Variants in DAG1 observed in about 807,000 individuals in gnomAD.
DAG1 encodes the protein dystroglycan 1.
In DAG1, 8 loss-of-function variants were observed where a neutral mutation model predicts 46.1. That is an observed-to-expected ratio of 0.17 (90% CI 0.10 to 0.31). The LOEUF (loss-of-function observed/expected upper bound fraction) is 0.31. Among genes scored for constraint, DAG1 ranks in the 10% least tolerant of loss-of-function variants. The probability of loss-of-function intolerance (pLI) is 1.00; values close to 1 mark genes in which losing one functional copy is unlikely to be tolerated. For synonymous variants in DAG1, 495 were observed against 481.8 expected (o/e 1.03, Z -0.36); for missense variants, 1,003 against 1,189.9 (o/e 0.84, Z 2.31).
rs1316103310 is a variant in DAG1 at position 49,534,877 on chromosome 3, C to G, written c.*1678C>G. On this transcript the variant is annotated 3_prime_UTR_variant, in exon 3 of 3. Transcript: ENST00000308775. ...GAGGGTGGGTGGGTGGACCCAGGCT[C>G]CCTTTGCACACAGAGCAGCTACTTC... 3.2e-5 allele frequency: 5 copies of G among 153,848 alleles called. No homozygotes were observed. Among genetic ancestry groups the G allele is most frequent in the African/African-American group, 1.2e-4 (5 of 41,460 alleles). 9.5% of individuals were successfully genotyped at this position (153,848 alleles called of 1,614,324 possible).
chr3:49,510,309 G>C (rs991281092), intron 1 of DAG1, 110 bp from the exon 2 acceptor site: 6 of 605,296 alleles, frequency 9.9e-6, no homozygotes, highest in Non-Finnish European at 1.8e-5. Flanking sequence ...GGGGGTAAGA[G>C]GCTTGATCCA....
At chr3:49,499,967 A>G (rs2050402049) in intron 1 of DAG1, among the ~76,000 whole-genome samples, 1 of 148,474 alleles carries the variant, frequency 6.7e-6, no homozygotes, top group South Asian at 2.1e-4. Context: ...TTGACATTTT[A>G]CTTCTTCTTC....
intron 1 of DAG1, among the ~76,000 whole-genome samples, chr3:49,488,320 C>T (rs913154863): frequency 5.3e-5 from 8 of 152,244 alleles, no homozygotes; most frequent in African/African-American, 1.9e-4. Context: ...AGAGAAAAGT[C>T]GTTTGTATCT....
In DAG1 at chr3:49,474,966, C is replaced by T. The variant is rs183675713; in HGVS notation, c.-117+4533C>T. Among the ~76,000 whole-genome samples the T allele has an allele frequency of 3.4e-3, 515 of 151,926 alleles. 7 individuals carry two copies. The highest frequency in any genetic ancestry group is 0.015 in the East Asian group (79 of 5,146). ...AGCTGGGACTACAGGCGCCCGCCAC[C>T]GCGCCCAGCTAATTTTTTTGTATTT... On this transcript the variant is annotated intron_variant, in intron 1 of 2. Coordinates refer to ENST00000308775, the MANE Select transcript of DAG1 (RefSeq NM_004393.6).
intron 2 of DAG1, among the ~76,000 whole-genome samples, chr3:49,515,236 C>T (rs1243090217): frequency 1.3e-5 from 2 of 150,894 alleles, no homozygotes; most frequent in African/African-American, 4.9e-5. Flanking sequence ...TCCCAACGTG[C>T]TGGGATTACA....
chr3:49,476,123 T>G lies in DAG1; in HGVS notation c.-117+5690T>G, dbSNP rs142566248. ...GGTGTCAAAGTTGGTGAAGCTGGTC[T>G]GTGTTCTGTGTTGAAGTGGTTAAAT... On this transcript the variant is annotated intron_variant, in intron 1 of 2. Coordinates refer to ENST00000308775, the MANE Select transcript of DAG1 (RefSeq NM_004393.6). Among the ~76,000 whole-genome samples the G allele has an allele frequency of 2.7e-3, 418 of 152,324 alleles. 3 individuals carry two copies. The highest frequency in any genetic ancestry group is 9.3e-3 in the African/African-American group (388 of 41,570).
chr3:49,498,922 C>A (rs2050379079), intron 1 of DAG1, among the ~76,000 whole-genome samples: 1 of 152,114 alleles, frequency 6.6e-6, no homozygotes, highest in Non-Finnish European at 1.5e-5. Context: ...GTTGCCCAGG[C>A]TGGTCTTGAA....
Position 49,532,248 on chromosome 3 carries a change from C to T in DAG1, c.1737C>T (p.Ala579=). 1 of 1,613,966 alleles carries T rather than the reference C, an allele frequency of 6.2e-7. No homozygotes were observed. The highest frequency in any genetic ancestry group is 8.5e-7 in the Non-Finnish European group (1 of 1,179,826). Residue 579 remains alanine, a synonymous_variant, in exon 3 of 3, where the codon GCC becomes GCT. Transcript: ENST00000308775. The surrounding 1 kb of genome is among the most constrained non-coding windows in gnomAD (Gnocchi z 5.4). ...HVGKHEYFMH[A]TDKGGLSAVD... ...GCAAACACGAGTATTTCATGCATGC[C>T]ACAGACAAGGGGGGCCTGTCGGCTG... is the stretch of plus-strand genomic sequence containing the variant.
At chr3:49,525,220 G>A (rs1159257313) in intron 2 of DAG1, among the ~76,000 whole-genome samples, 3 of 152,184 alleles carry the variant, frequency 2.0e-5, no homozygotes, top group Non-Finnish European at 4.4e-5. Flanking sequence ...CTTCAGGGCT[G>A]TAGATCTAGA....
At chr3:49,493,791 A>G (rs2050246319) in intron 1 of DAG1, among the ~76,000 whole-genome samples, 1 of 152,116 alleles carries the variant, frequency 6.6e-6, no homozygotes, top group Non-Finnish European at 1.5e-5. Flanking sequence ...TTTCTGATGC[A>G]CCTCTATGCA....
At position 49,481,163 on chromosome 3, in the gene DAG1, G is replaced by A. The variant is rs181639178; in HGVS notation, c.-117+10730G>A. Reference sequence around the variant, plus strand: ...CCAGCACTTTGGGAGGCTGAGGCGGGCGGATCACAAGGTCAGGAGATGGAG... The same window carrying A: ...CCAGCACTTTGGGAGGCTGAGGCGGACGGATCACAAGGTCAGGAGATGGAG... On this transcript the variant is annotated intron_variant, in intron 1 of 2. Coordinates refer to ENST00000308775, the MANE Select transcript of DAG1 (RefSeq NM_004393.6). 2.6e-3 allele frequency among the ~76,000 whole-genome samples: 387 copies of A among 148,288 alleles called. 6 individuals carry two copies. Among genetic ancestry groups the A allele is most frequent in the East Asian group, 8.2e-3 (40 of 4,862 alleles).
intron 1 of DAG1, among the ~76,000 whole-genome samples, chr3:49,473,354 GGAGCTTGCAGT>G (rs1196115259): frequency 1.3e-5 from 2 of 151,982 alleles, no homozygotes; most frequent in African/African-American, 4.8e-5. Context: ...CCCGGGAGGC[GGAGCTTGCAGT>G]GAGCTGAGAT....
rs536114734 is a variant in DAG1 at position 49,478,367 on chromosome 3, G to T, written c.-117+7934G>T. 6.9e-5 allele frequency among the ~76,000 whole-genome samples: 10 copies of T among 145,864 alleles called. No homozygotes were observed. In the South Asian group the frequency reaches 2.2e-3, roughly 32 times the overall value. On this transcript the variant is annotated intron_variant, in intron 1 of 2. Transcript: ENST00000308775. The stretch of plus-strand genomic sequence containing the variant: ...CCCAGCATTTTGGGAGGCTAAGGTG[G>T]GAGGATTACTTGAAGCCAGGAGTTT...
At chr3:49,475,063 C>T (rs997590537) in intron 1 of DAG1, among the ~76,000 whole-genome samples, 8 of 151,856 alleles carry the variant, frequency 5.3e-5, no homozygotes, top group African/African-American at 9.7e-5. Context: ...CTGCCTGCCT[C>T]GGCCTCCCGA....
chr3:49,470,665 G>A, intron 1 of DAG1: 1 of 152,298 alleles, frequency 6.6e-6, no homozygotes, highest in Non-Finnish European at 1.5e-5. Context: ...GGCCCGGGCC[G>A]CGCGCCGCGG....
At chr3:49,504,522 A>G (rs1293402608) in intron 1 of DAG1, among the ~76,000 whole-genome samples, 1 of 133,452 alleles carries the variant, frequency 7.5e-6, no homozygotes, top group South Asian at 2.3e-4. Flanking sequence ...TGGATTCCCT[A>G]TTATATTCCA....
rs886044594 is a variant in DAG1, at chr3:49,532,680, A to T, written c.2169A>T (p.Pro723=). Residue 723 remains proline, a synonymous_variant, in exon 3 of 3, where the codon CCA becomes CCT. Transcript: ENST00000308775. The surrounding 1 kb of genome is among the most constrained non-coding windows in gnomAD (Gnocchi z 5.4). ...CRHLQFIPVV[P]PRRVPSEAPP... is the part of the protein sequence containing the mutation. The stretch of plus-strand genomic sequence containing the variant: ...ACCTACAGTTTATCCCTGTGGTACC[A>T]CCCAGGAGAGTGCCCTCAGAGGCGC... 6.2e-7 allele frequency: 1 copy of T among 1,614,154 alleles called. No homozygotes were observed. The highest frequency in any genetic ancestry group is 8.5e-7 in the Non-Finnish European group (1 of 1,180,030).
intron 1 of DAG1, among the ~76,000 whole-genome samples, chr3:49,494,513 G>A (rs1239871743): frequency 6.6e-6 from 1 of 152,074 alleles, no homozygotes; most frequent in Non-Finnish European, 1.5e-5. Context: ...TATTAATTTT[G>A]AGCTATGGCA....
intron 2 of DAG1, among the ~76,000 whole-genome samples, chr3:49,521,856 GT>G (rs1332129354): frequency 8.4e-5 from 12 of 142,702 alleles, no homozygotes; most frequent in Non-Finnish European, 7.7e-5. Context: ...TTAGACCTTT[GT>G]TTTTTTTTTT....
Sources: allele counts gnomAD v4.1 joint callset (sites outside exome capture counted in the v4.1 genomes callset), GRCh38; gene constraint gnomAD v4.1.1; non-coding constraint Gnocchi (gnomAD v3.1); transcripts MANE v1.5; gene names NCBI Gene and HGNC (gene_info 2026-07-23, HGNC 2026-07-21).